AK5: variants seen among roughly 807,000 people sequenced by gnomAD.
AK5 encodes the protein adenylate kinase isoenzyme 5.
In AK5, 27 loss-of-function variants were observed where a neutral mutation model predicts 69.5. The ratio of observed to expected loss-of-function variants is 0.39; its 90% confidence interval spans 0.29 to 0.54. The LOEUF is 0.54. Among genes scored for constraint, AK5 ranks in the 20% least tolerant of loss-of-function variants. AK5 has a pLI of 0.71. For missense variants in AK5, 531 were observed against 700.4 expected, an observed-to-expected ratio of 0.76 and a Z score of 2.73; for synonymous variants, 260 against 244.4, an observed-to-expected ratio of 1.06 and a Z score of -0.60.
intron 8 of AK5, among the ~76,000 whole-genome samples, chr1:77,448,164 G>C (rs568451566): frequency 6.6e-6 from 1 of 152,248 alleles, no homozygotes; most frequent in East Asian, 1.9e-4. Context: ...AAAGGGGCGG[G>C]TCCTGGTGAA....
chr1:77,470,114 A>G (rs1654370920), intron 8 of AK5, among the ~76,000 whole-genome samples: 1 of 152,236 alleles, frequency 6.6e-6, no homozygotes, highest in African/African-American at 2.4e-5. Flanking sequence ...CTCACTTACA[A>G]ATAAAGGATA....
At chr1:77,373,026 TA>T (rs1447608863) in intron 6 of AK5, among the ~76,000 whole-genome samples, 1 of 152,254 alleles carries the variant, frequency 6.6e-6, no homozygotes, top group African/African-American at 2.4e-5. Context: ...TTGCTTTCTT[TA>T]TGTCCACACT....
chr1:77,439,602 C>A, intron 8 of AK5, among the ~76,000 whole-genome samples: 1 of 152,066 alleles, frequency 6.6e-6, no homozygotes, highest in Non-Finnish European at 1.5e-5. Context: ...CTCTCTGCCT[C>A]CATGATATTT....
At chr1:77,549,992 T>C (rs1043364930) in intron 13 of AK5, among the ~76,000 whole-genome samples, 23 of 152,134 alleles carry the variant, frequency 1.5e-4, no homozygotes, top group African/African-American at 5.6e-4. Context: ...GGTCTTACCC[T>C]GTTGCCCAGG....
chr1:77,438,319 A>AAAAAAAAAAAAAG (rs1557593670), intron 8 of AK5, among the ~76,000 whole-genome samples: 1 of 61,246 alleles, frequency 1.6e-5, no homozygotes, highest in Non-Finnish European at 5.0e-5. Flanking sequence ...AAAAAAAAAA[A>AAAAAAAAAAAAAG]AAAAACAAGC....
chr1:77,413,909 C>G (rs763568126), intron 7 of AK5, among the ~76,000 whole-genome samples: 4 of 152,154 alleles, frequency 2.6e-5, no homozygotes, highest in Non-Finnish European at 5.9e-5. Context: ...ACCCAGATCC[C>G]TCAAAGAGTT....
At chr1:77,541,058 C>G (rs1331469786) in intron 13 of AK5, among the ~76,000 whole-genome samples, 1 of 152,130 alleles carries the variant, frequency 6.6e-6, no homozygotes, top group Non-Finnish European at 1.5e-5. Context: ...AGGCACCCAC[C>G]ACCACACCCA....
chr1:77,426,514 G>A lies in AK5; in HGVS notation c.1059+8799G>A, dbSNP rs147698616. On this transcript the variant is annotated intron_variant, in intron 8 of 13. Transcript: ENST00000354567. ...CTAGTAGAATAGCAAGGAGAAATAA[G>A]TGAATTCACTATTATAGCTGGAGAC... 1.8e-3 allele frequency among the ~76,000 whole-genome samples: 275 copies of A among 152,272 alleles called. 2 individuals are homozygous for A. Among genetic ancestry groups the A allele is most frequent in the African/African-American group, 6.2e-3 (257 of 41,566 alleles).
chr1:77,559,215 A>ATGAT lies in AK5; in HGVS notation c.*546_*549dup, dbSNP rs1174550481. The ATGAT allele has an allele frequency of 2.0e-5, 3 of 152,404 alleles. No individual in the cohort carries two copies. The highest frequency in any genetic ancestry group is 7.2e-5 in the African/African-American group (3 of 41,580). The allele number at this position is 152,404 out of a possible 1,614,324, so 9.4% of individuals were successfully genotyped here. A position where few individuals can be genotyped will look rare whatever the true frequency, so the allele number is the denominator to read the frequency against. Reference sequence around the variant, plus strand: ...GGGTTGATTACACAATGCCTTGTACATGATATAGAGGCATCAAGCAAGTAA... The same window carrying ATGAT: ...GGGTTGATTACACAATGCCTTGTACATGATTGATATAGAGGCATCAAGCAAGTAA... On this transcript the variant is annotated 3_prime_UTR_variant, in exon 14 of 14. Transcript: ENST00000354567.
chr1:77,318,570 A>G (rs770596461), intron 5 of AK5, among the ~76,000 whole-genome samples: 24 of 152,166 alleles, frequency 1.6e-4, no homozygotes, highest in Admixed American at 4.6e-4. Context: ...TATTAATGTC[A>G]TTAGGTGCAT....
intron 8 of AK5, among the ~76,000 whole-genome samples, chr1:77,420,964 GC>G (rs1378044857): frequency 2.6e-5 from 4 of 152,156 alleles, no homozygotes; most frequent in Non-Finnish European, 5.9e-5. Flanking sequence ...AATGAATGTG[GC>G]TTTGTTGCAG....
chr1:77,416,337 G>C (rs759187196), intron 7 of AK5, among the ~76,000 whole-genome samples: 1 of 152,108 alleles, frequency 6.6e-6, no homozygotes, highest in Admixed American at 6.5e-5. Flanking sequence ...CAGTGGTCTG[G>C]CAAGGGCTGT....
At chr1:77,299,881 ATCTT>A (rs1309902886) in intron 5 of AK5, among the ~76,000 whole-genome samples, 2 of 152,120 alleles carry the variant, frequency 1.3e-5, no homozygotes, top group African/African-American at 4.8e-5. Flanking sequence ...TATGTTGAAT[ATCTT>A]TCTTTTTTGT....
intron 6 of AK5, among the ~76,000 whole-genome samples, chr1:77,392,065 T>C (rs185474420): frequency 1.3e-5 from 2 of 152,348 alleles, no homozygotes; most frequent in Admixed American, 1.3e-4. Flanking sequence ...TGCAGAGTAC[T>C]TGAAACATCC....
At chr1:77,500,278 T>C (rs945991119) in intron 10 of AK5, among the ~76,000 whole-genome samples, 2 of 152,174 alleles carry the variant, frequency 1.3e-5, no homozygotes, top group Middle Eastern at 3.2e-3. Context: ...AGATACAGCT[T>C]TTGGTAAATT....
intron 8 of AK5, among the ~76,000 whole-genome samples, chr1:77,474,581 CATTA>C (rs1654725987): frequency 6.6e-6 from 1 of 152,152 alleles, no homozygotes; most frequent in South Asian, 2.1e-4. Flanking sequence ...GCAGGGAAAG[CATTA>C]ATTAGGGTAC....
At chr1:77,344,233 A>G (rs1265057614) in intron 6 of AK5, among the ~76,000 whole-genome samples, 2 of 152,242 alleles carry the variant, frequency 1.3e-5, no homozygotes, top group Non-Finnish European at 2.9e-5. Context: ...TTTCCATTAC[A>G]TGGACTTCTT....
At chr1:77,328,838 A>G (rs533806391) in intron 5 of AK5, among the ~76,000 whole-genome samples, 26 of 152,316 alleles carry the variant, frequency 1.7e-4, no homozygotes, top group African/African-American at 6.0e-4. Flanking sequence ...TTATGCTGTT[A>G]TAACAATACC....
At chr1:77,447,612 C>G (rs1652834867) in intron 8 of AK5, among the ~76,000 whole-genome samples, 1 of 152,196 alleles carries the variant, frequency 6.6e-6, no homozygotes, top group Non-Finnish European at 1.5e-5. Context: ...CGTGGCTTCT[C>G]TAACATCTTA....
Sources: allele counts gnomAD v4.1 joint callset (sites outside exome capture counted in the v4.1 genomes callset), GRCh38; gene constraint gnomAD v4.1.1; transcripts MANE v1.5; gene names NCBI Gene and HGNC (gene_info 2026-07-23, HGNC 2026-07-21).